Variants in SAMD5 observed in about 807,000 individuals in gnomAD.
SAMD5 encodes sterile alpha motif domain-containing protein 5.
In SAMD5, 13 loss-of-function variants were observed where a neutral mutation model predicts 11.3. That is an observed-to-expected ratio of 1.15 (90% CI 0.75 to 1.83). The LOEUF is 1.83. Among genes scored for constraint, SAMD5 ranks in the 40% most tolerant of loss-of-function variants. SAMD5 has a pLI of 0.00. For missense variants in SAMD5, 255 were observed against 239.1 expected, an observed-to-expected ratio of 1.07 and a Z score of -0.44; for synonymous variants, 129 against 111.3, an observed-to-expected ratio of 1.16 and a Z score of -1.00.
chr6:147,524,759 A>G (rs944864348), intron 1 of SAMD5, among the ~76,000 whole-genome samples: 4 of 152,184 alleles, frequency 2.6e-5, no homozygotes, highest in Non-Finnish European at 4.4e-5. Context: ...TGGTCTCGTC[A>G]GATATATTAA....
intron 1 of SAMD5, among the ~76,000 whole-genome samples, chr6:147,579,454 A>ATTTTTTTTTTT (rs3031353): frequency 1.3e-5 from 1 of 76,918 alleles, no homozygotes; most frequent in Non-Finnish European, 2.3e-5. Context: ...CAGGCTTTGA[A>ATTTTTTTTTTT]TTTTTTTTTT....
the SAMD5 span, among the ~76,000 whole-genome samples, chr6:147,924,089 G>T: frequency 1.3e-5 from 2 of 152,030 alleles, no homozygotes; most frequent in Non-Finnish European, 2.9e-5. Flanking sequence ...GTGTTATTTG[G>T]TTACTTCCTG....
the SAMD5 span, among the ~76,000 whole-genome samples, chr6:147,836,686 T>G: frequency 6.6e-6 from 1 of 152,200 alleles, no homozygotes; most frequent in Admixed American, 6.5e-5. Flanking sequence ...GAAAAAGCAT[T>G]AAGTCTGAAC....
chr6:147,799,861 C>T, the SAMD5 span, among the ~76,000 whole-genome samples: 4 of 152,290 alleles, frequency 2.6e-5, no homozygotes, highest in Non-Finnish European at 5.9e-5. Context: ...TTGATCACAT[C>T]GGCTCCTGAG....
intron 1 of SAMD5, among the ~76,000 whole-genome samples, chr6:147,592,732 A>G (rs1414633886): frequency 6.6e-6 from 1 of 152,026 alleles, no homozygotes; most frequent in East Asian, 1.9e-4. Context: ...ACAGATAATA[A>G]TACCCATATT....
intron 1 of SAMD5, among the ~76,000 whole-genome samples, chr6:147,736,132 G>C (rs1225881337): frequency 1.3e-5 from 2 of 152,078 alleles, no homozygotes; most frequent in East Asian, 3.9e-4. Context: ...TGTGACATCA[G>C]GCAGATTATG....
chr6:147,764,733 A>G, the SAMD5 span, among the ~76,000 whole-genome samples: 2 of 152,188 alleles, frequency 1.3e-5, no homozygotes, highest in African/African-American at 4.8e-5. Context: ...AAACAGAGCA[A>G]TATTTTTGAG....
At chr6:147,753,907 G>A in the SAMD5 span, among the ~76,000 whole-genome samples, 4 of 152,110 alleles carry the variant, frequency 2.6e-5, no homozygotes, top group African/African-American at 4.8e-5. Context: ...TGGCTGAATA[G>A]TACTCCATTG....
chr6:147,884,930 T>G, the SAMD5 span, among the ~76,000 whole-genome samples: 69,016 of 152,042 alleles, frequency 0.45, 15,940 homozygotes, highest in South Asian at 0.61. Context: ...TAGCTTCACT[T>G]AATAATAGAA....
chr6:147,704,426 C>T (rs527708456), intron 1 of SAMD5, among the ~76,000 whole-genome samples: 1 of 152,130 alleles, frequency 6.6e-6, no homozygotes, highest in South Asian at 2.1e-4. Context: ...GAAAAAATTA[C>T]ATTTAAATAC....
chr6:147,941,747 A>G, the SAMD5 span, among the ~76,000 whole-genome samples: 1 of 150,886 alleles, frequency 6.6e-6, no homozygotes, highest in Admixed American at 6.6e-5. Context: ...AGAAACCTAC[A>G]TAAACAAAAT....
the SAMD5 span, among the ~76,000 whole-genome samples, chr6:147,921,944 T>G: frequency 6.6e-6 from 1 of 152,168 alleles, no homozygotes; most frequent in African/African-American, 2.4e-5. Context: ...ATAGAAGTAT[T>G]TTATATAATG....
intron 1 of SAMD5, among the ~76,000 whole-genome samples, chr6:147,604,115 G>A (rs999514530): frequency 2.6e-5 from 4 of 152,044 alleles, no homozygotes; most frequent in African/African-American, 7.2e-5. Flanking sequence ...TTTCTAACAC[G>A]AAGACTGACG....
intron 1 of SAMD5, among the ~76,000 whole-genome samples, chr6:147,634,800 C>A (rs1790202028): frequency 6.6e-6 from 1 of 152,086 alleles, no homozygotes; most frequent in Non-Finnish European, 1.5e-5. Flanking sequence ...AGTTCAGCAT[C>A]TTTTTGGCTT....
At position 147,566,992 on chromosome 6, in the gene SAMD5, AAT is replaced by A. The variant is rs758034035; in HGVS notation, c.*2539_*2540del. 7.2e-5 allele frequency: 60 copies of A among 828,998 alleles called. No homozygotes were observed. Among genetic ancestry groups the A allele is most frequent in the Non-Finnish European group, 8.7e-5 (60 of 687,926 alleles). The allele number at this position is 828,998 out of a possible 1,614,324, so 51.4% of individuals were successfully genotyped here. A position where few individuals can be genotyped will look rare whatever the true frequency, so the allele number is the denominator to read the frequency against. Reference sequence around the variant, plus strand: ...AAGAAGTAGCAATTGACTAAGAATAAATATGTTATAAAAACTAGGGGATTATC... The same window carrying A: ...AAGAAGTAGCAATTGACTAAGAATAAATGTTATAAAAACTAGGGGATTATC... On this transcript the variant is annotated 3_prime_UTR_variant, in exon 2 of 2. Transcript: ENST00000367474.
At chr6:147,721,906 A>G (rs1043785165) in intron 1 of SAMD5, among the ~76,000 whole-genome samples, 1 of 152,244 alleles carries the variant, frequency 6.6e-6, no homozygotes, top group African/African-American at 2.4e-5. Context: ...CCCATTAAAA[A>G]ACATATATGA....
intron 1 of SAMD5, among the ~76,000 whole-genome samples, chr6:147,526,082 C>A (rs1036605840): frequency 6.6e-6 from 1 of 152,028 alleles, no homozygotes; most frequent in Non-Finnish European, 1.5e-5. Context: ...ATTCCTAGGG[C>A]AGAGCTAGGA....
At chr6:147,909,078 G>A in the SAMD5 span, among the ~76,000 whole-genome samples, 68 of 152,146 alleles carry the variant, frequency 4.5e-4, no homozygotes, top group Admixed American at 1.4e-3. Flanking sequence ...GCATGGTGGT[G>A]TGCACCTGCA....
At chr6:147,512,324 G>T (rs538113733) in intron 1 of SAMD5, among the ~76,000 whole-genome samples, 2 of 152,218 alleles carry the variant, frequency 1.3e-5, no homozygotes, top group Non-Finnish European at 1.5e-5. Flanking sequence ...AGTCTCCTTT[G>T]CAGTCATTTG....
Sources: gnomAD v4.1 joint callset for allele counts (sites outside exome capture counted in the v4.1 genomes callset) on GRCh38, gnomAD v4.1.1 for gene constraint, MANE v1.5 for transcripts, NCBI Gene and HGNC (gene_info 2026-07-23, HGNC 2026-07-21) for gene names.